Variants in SIK3 observed in about 807,000 individuals in gnomAD.
SIK3 encodes the protein SIK family kinase 3, also known as serine/threonine-protein kinase SIK3.
In SIK3, 28 loss-of-function variants were observed where a neutral mutation model predicts 144.2. The observed-to-expected ratio is 0.19, with a 90% CI of 0.14 to 0.27. The LOEUF (loss-of-function observed/expected upper bound fraction) is 0.27, where lower values mean the gene tolerates loss of function less well. SIK3 is among the 10% of genes least tolerant of loss of function. The pLI, the probability that SIK3 is intolerant of heterozygous loss-of-function variation, is 1.00. For synonymous variants in SIK3, 686 were observed against 676.3 expected, an observed-to-expected ratio of 1.01 and a Z score of -0.22; for missense variants, 1,319 against 1,776.0, an observed-to-expected ratio of 0.74 and a Z score of 4.62.
At chr11:116,958,583 T>C (rs1210720308) in intron 1 of SIK3, among the ~76,000 whole-genome samples, 3 of 152,066 alleles carry the variant, frequency 2.0e-5, no homozygotes, top group Non-Finnish European at 2.9e-5. Flanking sequence ...GTACCAGGTA[T>C]AACAACAGAC....
intron 1 of SIK3, among the ~76,000 whole-genome samples, chr11:117,010,847 C>T (rs896034119): frequency 2.0e-5 from 3 of 152,138 alleles, no homozygotes; most frequent in South Asian, 4.1e-4. Context: ...AGGCCAGGCA[C>T]GGTGGCTCAT....
chr11:117,039,711 T>A (rs73594181), intron 1 of SIK3, among the ~76,000 whole-genome samples: 8,522 of 152,322 alleles, frequency 0.056, 517 homozygotes, highest in African/African-American at 0.15. Context: ...ACTTAATATG[T>A]AGTAGGTACT....
intron 1 of SIK3, among the ~76,000 whole-genome samples, chr11:117,001,920 G>T (rs1260674678): frequency 6.6e-6 from 1 of 152,110 alleles, no homozygotes; most frequent in East Asian, 1.9e-4. Context: ...AGAAAAATCA[G>T]AAGTTCCCCA....
intron 1 of SIK3, among the ~76,000 whole-genome samples, chr11:116,978,011 G>A (rs1950009362): frequency 6.6e-6 from 1 of 152,204 alleles, no homozygotes; most frequent in African/African-American, 2.4e-5. Context: ...GAGGTCAGGA[G>A]ATCGAGACCG....
intron 1 of SIK3, among the ~76,000 whole-genome samples, chr11:116,999,605 T>C (rs773532732): frequency 1.3e-5 from 2 of 152,204 alleles, no homozygotes; most frequent in Non-Finnish European, 2.9e-5. Flanking sequence ...TTTTCTTTTT[T>C]GTTTTTTCAG....
intron 1 of SIK3, among the ~76,000 whole-genome samples, chr11:116,987,889 T>C (rs76726488): frequency 6.6e-6 from 1 of 152,186 alleles, no homozygotes; most frequent in East Asian, 1.9e-4. Flanking sequence ...ACAAAGCTGT[T>C]TGGTTGTATT....
At chr11:117,052,972 T>C (rs1028271576) in intron 1 of SIK3, among the ~76,000 whole-genome samples, 2 of 152,184 alleles carry the variant, frequency 1.3e-5, no homozygotes, top group African/African-American at 4.8e-5. Context: ...GTGTACTACA[T>C]ACTGATGACA....
chr11:116,846,354 G>C lies in SIK3; in HGVS notation c.*13+29C>G, dbSNP rs1289000763. 6.2e-7 allele frequency: 1 copy of C among 1,605,712 alleles called. No individual in the cohort carries two copies. The highest frequency in any genetic ancestry group is 1.3e-5 in the African/African-American group (1 of 74,936). On this transcript the variant is annotated intron_variant, in intron 24 of 24. Coordinates refer to ENST00000445177, the MANE Select transcript of SIK3 (RefSeq NM_001366686.3). This position sits in a 1 kb window ranked among gnomAD's most constrained non-coding sequence, Gnocchi z 4.1. Reference sequence around the variant, plus strand: ...GGAGCAGGCACTGGGCCACAGGGCTGGTTTGGCTCTGGCCAGGGTGACACT... The same window carrying C: ...GGAGCAGGCACTGGGCCACAGGGCTCGTTTGGCTCTGGCCAGGGTGACACT...
At chr11:116,979,105 G>A (rs1341090027) in intron 1 of SIK3, among the ~76,000 whole-genome samples, 4 of 152,120 alleles carry the variant, frequency 2.6e-5, no homozygotes, top group African/African-American at 9.7e-5. Context: ...CAAAAATGAA[G>A]GTACCTAACA....
At chr11:116,921,016 C>T (rs1412402941) in intron 4 of SIK3, among the ~76,000 whole-genome samples, 2 of 152,156 alleles carry the variant, frequency 1.3e-5, no homozygotes, top group Non-Finnish European at 2.9e-5. Flanking sequence ...CCAGCGATGC[C>T]GGCTCCATGC....
intron 1 of SIK3, among the ~76,000 whole-genome samples, chr11:117,091,453 G>C (rs192270205): frequency 6.6e-6 from 1 of 152,116 alleles, no homozygotes; most frequent in Non-Finnish European, 1.5e-5. Flanking sequence ...TGATCCACCT[G>C]CCTCAGCCTC....
At chr11:116,987,985 G>A (rs1156989218) in intron 1 of SIK3, among the ~76,000 whole-genome samples, 3 of 152,152 alleles carry the variant, frequency 2.0e-5, no homozygotes, top group Non-Finnish European at 4.4e-5. Context: ...ACAGCACCAC[G>A]TACTGTGAGA....
chr11:117,009,488 A>G (rs1209733981), intron 1 of SIK3, among the ~76,000 whole-genome samples: 5 of 151,154 alleles, frequency 3.3e-5, no homozygotes, highest in Admixed American at 3.3e-4. Flanking sequence ...TGAGCCCAGG[A>G]GGTTGAGGCT....
At chr11:116,989,394 A>C (rs1335039674) in intron 1 of SIK3, among the ~76,000 whole-genome samples, 1 of 152,196 alleles carries the variant, frequency 6.6e-6, no homozygotes, top group Non-Finnish European at 1.5e-5. Context: ...ACAACCTTGC[A>C]ATTTAGTACT....
chr11:116,862,397 C>A, intron 16 of SIK3, 70 bp from the exon 17 acceptor site: 1 of 1,595,068 alleles, frequency 6.3e-7, no homozygotes, highest in Non-Finnish European at 8.6e-7. Context: ...TCAGCAGATG[C>A]AGATCTGCCT....
At chr11:117,021,091 T>G (rs564270396) in intron 1 of SIK3, among the ~76,000 whole-genome samples, 1 of 152,190 alleles carries the variant, frequency 6.6e-6, no homozygotes, top group Non-Finnish European at 1.5e-5. Context: ...GCAGAACTGG[T>G]TGACTGCTTG....
intron 1 of SIK3, among the ~76,000 whole-genome samples, chr11:117,053,116 ATCACAAGG>A (rs1300541581): frequency 6.6e-6 from 1 of 152,126 alleles, no homozygotes; most frequent in Admixed American, 6.6e-5. Flanking sequence ...AGGTGGGTGG[ATCACAAGG>A]TCAGGAGTTC....
At chr11:116,903,938 T>A (rs563667306) in intron 4 of SIK3, among the ~76,000 whole-genome samples, 1 of 152,160 alleles carries the variant, frequency 6.6e-6, no homozygotes, top group South Asian at 2.1e-4. Flanking sequence ...AGAAAACCAT[T>A]TCTATTTAAT....
At chr11:116,866,383 A>G (rs1041919114) in intron 15 of SIK3, among the ~76,000 whole-genome samples, 1 of 150,046 alleles carries the variant, frequency 6.7e-6, no homozygotes, top group South Asian at 2.1e-4. Context: ...GTTATGAGAA[A>G]TCACAGGAAA....
Sources: gnomAD v4.1 joint callset for allele counts (sites outside exome capture counted in the v4.1 genomes callset) on GRCh38, gnomAD v4.1.1 for gene constraint, Gnocchi (gnomAD v3.1) non-coding constraint, MANE v1.5 for transcripts, NCBI Gene and HGNC (gene_info 2026-07-23, HGNC 2026-07-21) for gene names.